ETS1: variants seen among roughly 807,000 people sequenced by gnomAD.
ETS1 encodes the protein protein C-ets-1.
A neutral mutation model predicts 58.6 loss-of-function variants in ETS1; 15 were observed. The ratio of observed to expected loss-of-function variants is 0.26; its 90% CI spans 0.17 to 0.39. The LOEUF is 0.39. Ranked by LOEUF, ETS1 falls within the 10% of genes least tolerant of loss-of-function variation. The pLI is 1.00. For missense variants in ETS1, 417 were observed against 610.5 expected, an observed-to-expected ratio of 0.68 and a Z score of 3.34; for synonymous variants, 214 against 218.2, an observed-to-expected ratio of 0.98 and a Z score of 0.17.
intron 7 of ETS1, among the ~76,000 whole-genome samples, chr11:128,482,682 G>A (rs1172002200): frequency 6.6e-6 from 1 of 152,126 alleles, no homozygotes; most frequent in African/African-American, 2.4e-5. Context: ...TCATTTACGG[G>A]TATTTTCTCC....
chr11:128,572,334 C>T (rs1864654297), intron 2 of ETS1: 1 of 150,986 alleles, frequency 6.6e-6, no homozygotes, highest in African/African-American at 2.4e-5. Context: ...AAAAAAAATT[C>T]AACATTTATG....
At chr11:128,570,507 G>A (rs1482996040) in intron 2 of ETS1, among the ~76,000 whole-genome samples, 2 of 152,040 alleles carry the variant, frequency 1.3e-5, no homozygotes, top group Non-Finnish European at 2.9e-5. Context: ...CTCCCAAAGT[G>A]CCAGGATTAC....
At chr11:128,582,621 G>T (rs991039135) in intron 1 of ETS1, among the ~76,000 whole-genome samples, 1 of 152,160 alleles carries the variant, frequency 6.6e-6, no homozygotes, top group African/African-American at 2.4e-5. Flanking sequence ...TTCAAGTCAT[G>T]AAAACAGGAT....
chr11:128,526,281 C>T (rs924255889), intron 3 of ETS1: 1 of 152,818 alleles, frequency 6.5e-6, no homozygotes, highest in African/African-American at 2.4e-5. Context: ...GGTTCAAATT[C>T]TTACTCTACC....
At chr11:128,503,240 G>C (rs140130187) in intron 3 of ETS1, among the ~76,000 whole-genome samples, 4 of 152,080 alleles carry the variant, frequency 2.6e-5, no homozygotes, top group Non-Finnish European at 4.4e-5. Flanking sequence ...CAACCCATTG[G>C]GAGGGAACTA....
At chr11:128,564,418 G>A (rs1864456173) in intron 2 of ETS1, among the ~76,000 whole-genome samples, 1 of 152,224 alleles carries the variant, frequency 6.6e-6, no homozygotes, top group Admixed American at 6.5e-5. Flanking sequence ...ACAGAGGGTT[G>A]TAGAGAAGGG....
intron 1 of ETS1, among the ~76,000 whole-genome samples, chr11:128,575,255 A>G (rs1026819851): frequency 6.6e-6 from 1 of 152,240 alleles, no homozygotes; most frequent in Non-Finnish European, 1.5e-5. Flanking sequence ...TAACTAATAC[A>G]TGACTAGAAC....
chr11:128,569,317 TC>T (rs1301570960), intron 2 of ETS1, among the ~76,000 whole-genome samples: 31 of 133,512 alleles, frequency 2.3e-4, no homozygotes, highest in Middle Eastern at 3.6e-3. Flanking sequence ...CAGAGTTTCT[TC>T]TTTTTTTTTT....
chr11:128,567,925 C>T (rs540833215), intron 2 of ETS1, among the ~76,000 whole-genome samples: 16 of 152,280 alleles, frequency 1.1e-4, no homozygotes, highest in East Asian at 9.7e-4. Context: ...TGAACCACCG[C>T]GGCCAGCCAA....
At chr11:128,522,128 C>T (rs1245786098) in intron 3 of ETS1, 94 of 1,319,534 alleles carry the variant, frequency 7.1e-5, no homozygotes, top group Non-Finnish European at 8.8e-5. Flanking sequence ...CTCAAATTCC[C>T]GCTGCCTTTC....
chr11:128,465,596 T>C (rs1041123508), intron 8 of ETS1, among the ~76,000 whole-genome samples: 1 of 152,144 alleles, frequency 6.6e-6, no homozygotes, highest in Non-Finnish European at 1.5e-5. Flanking sequence ...GGTCACAGAA[T>C]AGGTTTCTTG....
At chr11:128,565,029 C>CAAATAAATAAAT (rs6144562) in intron 2 of ETS1, among the ~76,000 whole-genome samples, 75,731 of 144,346 alleles carry the variant, frequency 0.52, 20,235 homozygotes, top group East Asian at 0.59. Context: ...CACCAAATAT[C>CAAATAAATAAAT]AAATAAATAA....
chr11:128,494,754 C>T (rs1366304727), intron 3 of ETS1, among the ~76,000 whole-genome samples: 1 of 152,194 alleles, frequency 6.6e-6, no homozygotes, highest in Non-Finnish European at 1.5e-5. Context: ...AAGTTCAAGA[C>T]ATCTGGCCTT....
At chr11:128,504,299 TCTC>T (rs1451266978) in intron 3 of ETS1, among the ~76,000 whole-genome samples, 1 of 152,218 alleles carries the variant, frequency 6.6e-6, no homozygotes, top group East Asian at 1.9e-4. Flanking sequence ...GCCCGAGTCC[TCTC>T]CTGGTGTGTT....
Position 128,476,754 on chromosome 11 carries a change from G to A in ETS1, c.1123+3437C>T, listed in dbSNP as rs74989369. On this transcript the variant is annotated intron_variant, in intron 8 of 9. Coordinates refer to ENST00000392668, the MANE Select transcript of ETS1 (RefSeq NM_001143820.2). ...GTTGTAATTAGAAGGGGTTCATAAT[G>A]TATCTTCGAACAAAAGAAAATGGAG... is the stretch of plus-strand genomic sequence containing the variant. Among the ~76,000 whole-genome samples, 1,379 of 152,384 alleles carry A rather than the reference G, an allele frequency of 9.0e-3. 25 individuals are homozygous for A. Among genetic ancestry groups the A allele is most frequent in the African/African-American group, 0.031 (1,300 of 41,598 alleles).
chr11:128,565,066 T>C (rs1864470241), intron 2 of ETS1, among the ~76,000 whole-genome samples: 1 of 49,582 alleles, frequency 2.0e-5, no homozygotes, highest in Non-Finnish European at 4.7e-5. Flanking sequence ...ATAAAATAAA[T>C]GTGTTTGTAA....
At chr11:128,503,350 G>A (rs1314663312) in intron 3 of ETS1, among the ~76,000 whole-genome samples, 1 of 152,132 alleles carries the variant, frequency 6.6e-6, no homozygotes, top group African/African-American at 2.4e-5. Context: ...GCCAAGAAAT[G>A]GTTAAAAGGG....
intron 3 of ETS1, among the ~76,000 whole-genome samples, chr11:128,492,616 G>A (rs1862831727): frequency 6.6e-6 from 1 of 151,884 alleles, no homozygotes; most frequent in African/African-American, 2.4e-5. Flanking sequence ...TTAGGGGGAA[G>A]TAATTGGGGG....
At chr11:128,525,958 A>G (rs148498591) in intron 3 of ETS1, among the ~76,000 whole-genome samples, 1 of 152,306 alleles carries the variant, frequency 6.6e-6, no homozygotes, top group African/African-American at 2.4e-5. Flanking sequence ...GGGGACTCAG[A>G]TGGTACTGTT....
Sources: allele counts gnomAD v4.1 joint callset (sites outside exome capture counted in the v4.1 genomes callset), GRCh38; gene constraint gnomAD v4.1.1; transcripts MANE v1.5; gene names NCBI Gene and HGNC (gene_info 2026-07-23, HGNC 2026-07-21).